The following SUGCT variants were observed in gnomAD, a reference collection of about 807,000 sequenced individuals.
SUGCT encodes succinyl-CoA:glutarate-CoA transferase.
A neutral mutation model predicts 55.0 loss-of-function variants in SUGCT; 41 were observed. The ratio of observed to expected loss-of-function variants is 0.74; its 90% CI spans 0.58 to 0.97. SUGCT has a LOEUF of 0.97. Among genes scored for constraint, SUGCT ranks in the 50% least tolerant of loss-of-function variants. The pLI is 0.00. For missense variants in SUGCT, 568 were observed against 547.8 expected (o/e 1.04, Z -0.37); for synonymous variants, 187 against 200.4 (o/e 0.93, Z 0.56).
chr7:40,342,935 G>A (rs538762148), intron 9 of SUGCT, among the ~76,000 whole-genome samples: 22 of 152,238 alleles, frequency 1.4e-4, no homozygotes, highest in African/African-American at 3.1e-4. Flanking sequence ...GGGCCACTGC[G>A]TCTGGCTTGT....
chr7:40,473,669 G>T (rs74524624), intron 11 of SUGCT, among the ~76,000 whole-genome samples: 1,591 of 152,254 alleles, frequency 0.01, 35 homozygotes, highest in African/African-American at 0.035. Flanking sequence ...GATTTAACCA[G>T]GGACAAGTAA....
chr7:40,473,910 A>G (rs936395338), intron 11 of SUGCT, among the ~76,000 whole-genome samples: 2 of 152,050 alleles, frequency 1.3e-5, no homozygotes, highest in African/African-American at 4.8e-5. Context: ...AGTTATAGTG[A>G]TTAAATGTAA....
intron 9 of SUGCT, among the ~76,000 whole-genome samples, chr7:40,433,624 G>C (rs1340147595): frequency 1.3e-5 from 2 of 152,160 alleles, no homozygotes; most frequent in Non-Finnish European, 2.9e-5. Context: ...TGGCTGGCAT[G>C]GGAGTGGTGC....
chr7:40,435,945 CTTTT>C (rs11297778), intron 9 of SUGCT, among the ~76,000 whole-genome samples: 2 of 114,600 alleles, frequency 1.7e-5, no homozygotes, highest in Non-Finnish European at 3.6e-5. Flanking sequence ...CTTTTCTTTT[CTTTT>C]TTTTTTTTTT....
the SUGCT span, among the ~76,000 whole-genome samples, chr7:40,877,354 T>A: frequency 2.0e-5 from 3 of 152,240 alleles, no homozygotes; most frequent in East Asian, 5.8e-4. Context: ...CCCAAAATCA[T>A]TAGTCATGGG....
chr7:40,666,355 A>AAAGAAAGGAAGGAAGGAAGG (rs1554398405), intron 12 of SUGCT, among the ~76,000 whole-genome samples: 2 of 121,850 alleles, frequency 1.6e-5, no homozygotes, highest in African/African-American at 7.7e-5. Context: ...CTCAAGAAAG[A>AAAGAAAGGAAGGAAGGAAGG]AAGGAAGGAA....
intron 12 of SUGCT, among the ~76,000 whole-genome samples, chr7:40,701,856 A>G (rs1234897322): frequency 6.6e-6 from 1 of 152,216 alleles, no homozygotes; most frequent in Non-Finnish European, 1.5e-5. Flanking sequence ...TGTGGCCTAG[A>G]GCCAGACAGT....
chr7:40,701,074 T>C (rs991091103), intron 12 of SUGCT, among the ~76,000 whole-genome samples: 2 of 152,200 alleles, frequency 1.3e-5, no homozygotes, highest in East Asian at 1.9e-4. Context: ...TTTCCTTTTA[T>C]AGTTTCTTCA....
chr7:40,849,247 A>T (rs372259713), intron 13 of SUGCT, among the ~76,000 whole-genome samples: 6 of 152,364 alleles, frequency 3.9e-5, no homozygotes, highest in Admixed American at 3.9e-4. Context: ...GAAAAAAATC[A>T]AATGAAAAAA....
At chr7:40,324,842 C>A (rs1795952736) in intron 9 of SUGCT, among the ~76,000 whole-genome samples, 2 of 152,086 alleles carry the variant, frequency 1.3e-5, no homozygotes, top group African/African-American at 4.8e-5. Context: ...CTTTCATGAG[C>A]CTTTCAATGG....
chr7:40,149,037 G>C (rs1255078951), intron 1 of SUGCT, among the ~76,000 whole-genome samples: 1 of 152,154 alleles, frequency 6.6e-6, no homozygotes, highest in Non-Finnish European at 1.5e-5. Flanking sequence ...CTTTAGAAGA[G>C]ATGGTAGGGG....
intron 12 of SUGCT, among the ~76,000 whole-genome samples, chr7:40,542,152 A>G (rs1374187501): frequency 6.6e-6 from 1 of 152,224 alleles, no homozygotes; most frequent in Non-Finnish European, 1.5e-5. Flanking sequence ...ATTTAGCACT[A>G]TGTGTCAGGC....
chr7:40,954,336 C>T, the SUGCT span, among the ~76,000 whole-genome samples: 1 of 152,166 alleles, frequency 6.6e-6, no homozygotes, highest in Non-Finnish European at 1.5e-5. Context: ...CCCAATTTTC[C>T]AGGTGCCATC....
chr7:40,861,737 A>C (rs2128810476), downstream of SUGCT, among the ~76,000 whole-genome samples: 1 of 152,350 alleles, frequency 6.6e-6, no homozygotes, highest in Non-Finnish European at 1.5e-5. Flanking sequence ...TTGTCTTCTC[A>C]CAAGGTCTTG....
chr7:40,908,204 C>T, the SUGCT span, among the ~76,000 whole-genome samples: 6 of 151,622 alleles, frequency 4.0e-5, no homozygotes, highest in South Asian at 1.3e-3. Context: ...CGGTGAAACC[C>T]CATCTCTACT....
chr7:40,970,081 A>G, the SUGCT span, among the ~76,000 whole-genome samples: 1 of 152,220 alleles, frequency 6.6e-6, no homozygotes, highest in African/African-American at 2.4e-5. Context: ...CAATACAATG[A>G]AAGTCCATCG....
Position 40,140,429 on chromosome 7 carries a change from C to T in SUGCT, c.100+5309C>T, listed in dbSNP as rs549071114. 3.3e-4 allele frequency among the ~76,000 whole-genome samples: 50 copies of T among 151,548 alleles called. No individual in the cohort carries two copies. The East Asian group carries it at 7.1e-3, about 22-fold the overall frequency. On this transcript the variant is annotated intron_variant, in intron 1 of 13. Transcript: ENST00000335693. ...ATTTATTTATTTATTGAGGTAGAGTCTTGCTCTGTTGCCCAGGCTGGAGTG... is the reference window on the plus strand; with the variant it reads ...ATTTATTTATTTATTGAGGTAGAGTTTTGCTCTGTTGCCCAGGCTGGAGTG...
chr7:40,509,212 G>A (rs1230093325), intron 12 of SUGCT, among the ~76,000 whole-genome samples: 1 of 152,152 alleles, frequency 6.6e-6, no homozygotes, highest in East Asian at 1.9e-4. Flanking sequence ...ACTTTATACA[G>A]TCATATTCTC....
At chr7:40,880,223 C>G in the SUGCT span, among the ~76,000 whole-genome samples, 1 of 152,174 alleles carries the variant, frequency 6.6e-6, no homozygotes, top group African/African-American at 2.4e-5. Context: ...CTCCTGGAAA[C>G]TGATGTGATT....
Sources: gnomAD v4.1 joint callset for allele counts (sites outside exome capture counted in the v4.1 genomes callset) on GRCh38, gnomAD v4.1.1 for gene constraint, MANE v1.5 for transcripts, NCBI Gene and HGNC (gene_info 2026-07-23, HGNC 2026-07-21) for gene names.